STXBP4: variants seen among roughly 807,000 people sequenced by gnomAD.
STXBP4 encodes syntaxin-binding protein 4.
A neutral mutation model predicts 76.1 loss-of-function variants in STXBP4; 55 were observed. That is an observed-to-expected ratio of 0.72 (90% CI 0.58 to 0.91). STXBP4 has a LOEUF of 0.91. Ranked by LOEUF, STXBP4 falls within the 40% of genes least tolerant of loss-of-function variation. The pLI is 0.00. For synonymous variants in STXBP4, 201 were observed against 220.2 expected (o/e 0.91, Z 0.77); for missense variants, 618 against 636.9 (o/e 0.97, Z 0.32).
chr17:55,014,319 C>T (rs182972426), intron 8 of STXBP4, among the ~76,000 whole-genome samples: 1 of 152,248 alleles, frequency 6.6e-6, no homozygotes, highest in East Asian at 1.9e-4. Flanking sequence ...TGTTCCTTCT[C>T]CTATGTTCAG....
At chr17:55,196,942 G>C in the STXBP4 span, among the ~76,000 whole-genome samples, 1 of 152,180 alleles carries the variant, frequency 6.6e-6, no homozygotes, top group African/African-American at 2.4e-5. Context: ...GTTTCTAATA[G>C]ATCCAGCCAA....
chr17:55,176,962 C>G (rs1476896430), downstream of STXBP4, among the ~76,000 whole-genome samples: 1 of 152,086 alleles, frequency 6.6e-6, no homozygotes, highest in Admixed American at 6.6e-5. Context: ...ACTTAGTTCT[C>G]AGGCCTCAGA....
At chr17:55,068,921 G>A (rs1189288748) in intron 12 of STXBP4, among the ~76,000 whole-genome samples, 2 of 152,006 alleles carry the variant, frequency 1.3e-5, no homozygotes, top group Non-Finnish European at 2.9e-5. Flanking sequence ...GAAAAGTACT[G>A]TATGTGGAAA....
chr17:55,131,318 T>C (rs1361945932), intron 16 of STXBP4, among the ~76,000 whole-genome samples: 1 of 152,214 alleles, frequency 6.6e-6, no homozygotes, highest in Non-Finnish European at 1.5e-5. Flanking sequence ...GTCCTCTTTT[T>C]AGAATTCTGG....
chr17:55,118,570 GAGAAA>G (rs1314035530), intron 16 of STXBP4, among the ~76,000 whole-genome samples: 1 of 89,036 alleles, frequency 1.1e-5, no homozygotes, highest in Non-Finnish European at 2.4e-5. Flanking sequence ...GGCTGGGATG[GAGAAA>G]TAAATGTAAG....
Position 55,169,515 on chromosome 17 carries a change from G to C in STXBP4, c.*9604G>C, listed in dbSNP as rs1243507516. On this transcript the variant is annotated 3_prime_UTR_variant, in exon 18 of 18. Coordinates refer to ENST00000376352, the MANE Select transcript of STXBP4 (RefSeq NM_178509.6). ...AAGCACAGGGAGCTGTCATGCATGA[G>C]AGTGGTAGAGGGATCTGAAAGTGCT... 6.6e-6 allele frequency: 1 copy of C among 152,228 alleles called. No individual in the cohort carries two copies. The highest frequency in any genetic ancestry group is 2.1e-4 in the South Asian group (1 of 4,830). 9.4% of individuals were successfully genotyped at this position (152,228 alleles called of 1,614,324 possible).
chr17:54,993,683 T>C (rs1383200584), intron 4 of STXBP4, among the ~76,000 whole-genome samples: 1 of 152,216 alleles, frequency 6.6e-6, no homozygotes, highest in Non-Finnish European at 1.5e-5. Flanking sequence ...AATTTCTACA[T>C]AGTAGAATCT....
intron 12 of STXBP4, among the ~76,000 whole-genome samples, chr17:55,061,788 G>A (rs1227422065): frequency 1.4e-4 from 21 of 152,134 alleles, no homozygotes; most frequent in Admixed American, 1.2e-3. Context: ...CTTGGGATTC[G>A]TCTAGATTCT....
intron 12 of STXBP4, among the ~76,000 whole-genome samples, chr17:55,071,174 T>C (rs563135733): frequency 6.6e-6 from 1 of 152,254 alleles, no homozygotes; most frequent in African/African-American, 2.4e-5. Context: ...AGTAACACTT[T>C]TAAAATTTAA....
At chr17:55,099,318 G>C (rs2079535732) in intron 16 of STXBP4, among the ~76,000 whole-genome samples, 1 of 152,154 alleles carries the variant, frequency 6.6e-6, no homozygotes, top group African/African-American at 2.4e-5. Context: ...ATGATGTATT[G>C]GTTAATGACA....
intron 12 of STXBP4, among the ~76,000 whole-genome samples, chr17:55,064,742 G>A (rs2079029912): frequency 2.6e-5 from 4 of 152,052 alleles, no homozygotes; most frequent in Admixed American, 1.3e-4. Flanking sequence ...GTGACCTTGC[G>A]ATCCACCCAC....
intron 17 of STXBP4, among the ~76,000 whole-genome samples, chr17:55,150,660 A>G (rs2080206177): frequency 6.6e-6 from 1 of 152,182 alleles, no homozygotes; most frequent in Non-Finnish European, 1.5e-5. Context: ...CTAAACGTTT[A>G]GCAAGTTTTA....
rs1253565736 is a variant in STXBP4 at position 54,974,106 on chromosome 17, T to C, written c.-157+5291T>C. Among the ~76,000 whole-genome samples the C allele has an allele frequency of 1.3e-5, 2 of 152,240 alleles. 1 individual carries two copies. On this transcript the variant is annotated intron_variant, in intron 1 of 17. Transcript: ENST00000376352. ...AAGGAAATTGGGACTTCAGTCTTAA[T>C]ATGGTGGTCGTCACTGAACTGTATT...
intron 10 of STXBP4, among the ~76,000 whole-genome samples, chr17:55,038,674 G>T (rs2078645491): frequency 6.7e-6 from 1 of 150,018 alleles, no homozygotes; most frequent in African/African-American, 2.5e-5. Flanking sequence ...AAAGGGCAAG[G>T]CTGGAGCCCA....
At chr17:55,111,020 A>C (rs1212821780) in intron 16 of STXBP4, among the ~76,000 whole-genome samples, 1 of 152,216 alleles carries the variant, frequency 6.6e-6, no homozygotes, top group African/African-American at 2.4e-5. Context: ...GGGGAGCAGC[A>C]GTGTGAATAG....
chr17:55,093,487 G>C (rs540293503), intron 16 of STXBP4, among the ~76,000 whole-genome samples: 14 of 152,214 alleles, frequency 9.2e-5, no homozygotes, highest in African/African-American at 3.4e-4. Flanking sequence ...AAACAGCCCT[G>C]TTCTCTGGTG....
rs1212107047 is a variant in STXBP4, at chr17:55,172,909, G to GTTA, written c.*13000_*13002dup. Reference sequence around the variant, plus strand: ...TTACCTGCTGTGAAGGACTGTAGAGGTTATCTAAGCCAGCTCCTCCTTTTA... The same window carrying GTTA: ...TTACCTGCTGTGAAGGACTGTAGAGGTTATTATCTAAGCCAGCTCCTCCTTTTA... On this transcript the variant is annotated 3_prime_UTR_variant, in exon 18 of 18. Coordinates refer to ENST00000376352, the MANE Select transcript of STXBP4 (RefSeq NM_178509.6). 6.6e-6 allele frequency: 1 copy of GTTA among 152,178 alleles called. No homozygotes were observed. The highest frequency in any genetic ancestry group is 1.5e-5 in the Non-Finnish European group (1 of 68,032). 9.4% of individuals were successfully genotyped at this position (152,178 alleles called of 1,614,324 possible).
chr17:55,150,260 G>A (rs1311058701), intron 17 of STXBP4, among the ~76,000 whole-genome samples: 1 of 152,066 alleles, frequency 6.6e-6, no homozygotes, highest in Non-Finnish European at 1.5e-5. Flanking sequence ...CCAAGATCAG[G>A]GCGCCATCAG....
At chr17:55,122,367 G>T (rs950844615) in intron 16 of STXBP4, among the ~76,000 whole-genome samples, 9 of 152,180 alleles carry the variant, frequency 5.9e-5, no homozygotes. Flanking sequence ...AAAGAAATTA[G>T]GAGAGTATGC....
Sources: allele counts gnomAD v4.1 joint callset (sites outside exome capture counted in the v4.1 genomes callset), GRCh38; gene constraint gnomAD v4.1.1; transcripts MANE v1.5; gene names NCBI Gene and HGNC (gene_info 2026-07-23, HGNC 2026-07-21).